DBT: variants seen among roughly 807,000 people sequenced by gnomAD.
DBT encodes dihydrolipoamide branched chain transacylase E2.
In DBT, 40 loss-of-function variants were observed where a neutral mutation model predicts 51.3. The ratio of observed to expected loss-of-function variants is 0.78; its 90% CI spans 0.61 to 1.02. The LOEUF is 1.02. Among genes scored for constraint, DBT ranks in the 50% least tolerant of loss-of-function variants. The pLI is 0.00. For synonymous variants in DBT, 181 were observed against 190.4 expected (o/e 0.95, Z 0.41); for missense variants, 510 against 580.2 (o/e 0.88, Z 1.24).
chr1:100,240,964 TTCCA>T, intron 1 of DBT, 80 bp from the exon 2 acceptor site: 1 of 1,339,820 alleles, frequency 7.5e-7, no homozygotes, highest in Non-Finnish European at 1.1e-6. Context: ...TGAATTTCAA[TTCCA>T]TTCTAAAAGT....
chr1:100,201,432 T>C (rs535007611), intron 10 of DBT, among the ~76,000 whole-genome samples: 11 of 152,240 alleles, frequency 7.2e-5, no homozygotes, highest in African/African-American at 2.6e-4. Flanking sequence ...GTTTGATTGG[T>C]GTACCTGAAA....
At chr1:100,203,629 C>G (rs1439467215) in intron 10 of DBT, among the ~76,000 whole-genome samples, 1 of 152,196 alleles carries the variant, frequency 6.6e-6, no homozygotes, top group Non-Finnish European at 1.5e-5. Context: ...ATACCAAAAC[C>G]TGGCAGAGAC....
chr1:100,244,846 GCTAA>G (rs1329538528), intron 1 of DBT, among the ~76,000 whole-genome samples: 5 of 152,080 alleles, frequency 3.3e-5, no homozygotes, highest in Admixed American at 2.0e-4. Context: ...GTAGATCATG[GCTAA>G]CTGAGACCAC....
intron 4 of DBT, among the ~76,000 whole-genome samples, chr1:100,220,733 C>A (rs180968524): frequency 1.1e-4 from 17 of 152,326 alleles, no homozygotes; most frequent in Non-Finnish European, 2.2e-4. Flanking sequence ...AGGTGAGACA[C>A]CTAATAAATC....
intron 8 of DBT, among the ~76,000 whole-genome samples, chr1:100,209,098 C>CTT (rs10707303): frequency 1.0e-3 from 134 of 134,446 alleles, no homozygotes; most frequent in African/African-American, 3.5e-3. Context: ...CTTTTCTTTT[C>CTT]TTTTTTTTTT....
intron 4 of DBT, among the ~76,000 whole-genome samples, chr1:100,223,205 C>T (rs1455640651): frequency 6.6e-6 from 1 of 152,136 alleles, no homozygotes; most frequent in Admixed American, 6.5e-5. Flanking sequence ...TTAATGATTT[C>T]TCTCAAAAAA....
At position 100,189,780 on chromosome 1, in the gene DBT, GTTCT is replaced by G. The variant is rs1238766778; in HGVS notation, c.*6471_*6474del. The G allele has an allele frequency of 6.6e-6, 1 of 152,302 alleles. No individual in the cohort carries two copies. Among genetic ancestry groups the G allele is most frequent in the African/African-American group, 2.4e-5 (1 of 41,564 alleles). The allele number at this position is 152,302 out of a possible 1,614,324, so 9.4% of individuals were successfully genotyped here. A position where few individuals can be genotyped will look rare whatever the true frequency, so the allele number is the denominator to read the frequency against. On this transcript the variant is annotated 3_prime_UTR_variant, in exon 11 of 11. Coordinates refer to ENST00000370132, the MANE Select transcript of DBT (RefSeq NM_001918.5). ...CTGAAATTTGCCATTAGAGAAGGGA[GTTCT>G]TTGTTTTTCGTTTGTTTTAGGGACT...
At chr1:100,238,745 G>A (rs776010040) in intron 2 of DBT, among the ~76,000 whole-genome samples, 13 of 152,184 alleles carry the variant, frequency 8.5e-5, no homozygotes, top group Non-Finnish European at 1.6e-4. Flanking sequence ...ACTGAGTTAG[G>A]AAATATCAGA....
At chr1:100,208,089 C>T (rs527963272) in intron 8 of DBT, among the ~76,000 whole-genome samples, 16 of 152,100 alleles carry the variant, frequency 1.1e-4, no homozygotes, top group African/African-American at 3.9e-4. Context: ...GAGCCGAGAT[C>T]GCAGCACTGC....
At position 100,192,380 on chromosome 1, in the gene DBT, G is replaced by A. The variant is rs1660853430; in HGVS notation, c.*3875C>T. 6.6e-6 allele frequency: 1 copy of A among 152,176 alleles called. No homozygotes were observed. Among genetic ancestry groups the A allele is most frequent in the Non-Finnish European group, 1.5e-5 (1 of 68,038 alleles). 9.4% of individuals were successfully genotyped at this position (152,176 alleles called of 1,614,324 possible). ...CCTAGAGCCTGGAACTGAATATACA[G>A]TTAATAAATAAGTGCAGAATGAACT... is the stretch of plus-strand genomic sequence containing the variant. On this transcript the variant is annotated 3_prime_UTR_variant, in exon 11 of 11. Coordinates refer to ENST00000370132, the MANE Select transcript of DBT (RefSeq NM_001918.5).
rs139216072 is a variant in DBT at position 100,214,872 on chromosome 1, T to C, written c.884A>G (p.Lys295Arg). Residue 295 changes from lysine to arginine, a missense_variant, in exon 7 of 11, where the codon AAA becomes AGA. By Grantham distance (26) the Lys-to-Arg change is conservative (BLOSUM62 2). Coordinates refer to ENST00000370132, the MANE Select transcript of DBT (RefSeq NM_001918.5). ...AATTCCACGAGCAAATGCAATGGGT[T>C]TTAATTCTTCTCGGAGCTTAACCAG... ...TELVKLREELKPIAFARGIKL... is the reference protein window; with the variant it reads ...TELVKLREELRPIAFARGIKL... 9 of 1,614,034 alleles carry C rather than the reference T, an allele frequency of 5.6e-6. No individual in the cohort carries two copies. Among genetic ancestry groups the C allele is most frequent in the Non-Finnish European group, 7.6e-6 (9 of 1,180,006 alleles).
In DBT at chr1:100,230,808, T is replaced by C; in HGVS notation, c.358A>G (p.Lys120Glu). ...ITSRYDGVIK[K>E]LYYNLDDIAY... Reference sequence around the variant, plus strand: ...ATATCGTCTAGATTATAATAGAGTTTTTTAATGACTCCATCATAACGACTA... The same window carrying C: ...ATATCGTCTAGATTATAATAGAGTTCTTTAATGACTCCATCATAACGACTA... Residue 120 changes from lysine to glutamate, a missense_variant, in exon 4 of 11, where the codon AAA becomes GAA. Transcript: ENST00000370132. 1.9e-6 allele frequency: 3 copies of C among 1,608,924 alleles called. No individual in the cohort carries two copies. Among genetic ancestry groups the C allele is most frequent in the Non-Finnish European group, 2.6e-6 (3 of 1,175,516 alleles).
At chr1:100,209,238 A>G (rs777698379) in intron 8 of DBT, among the ~76,000 whole-genome samples, 9 of 151,474 alleles carry the variant, frequency 5.9e-5, no homozygotes, top group Non-Finnish European at 1.2e-4. Context: ...AGCTAAAACT[A>G]TAGGCATGCA....
Position 100,196,320 on chromosome 1 carries a change from G to A in DBT, c.1384C>T (p.Arg462Cys), listed in dbSNP as rs765257706. 12 of 1,611,524 alleles carry A rather than the reference G, an allele frequency of 7.4e-6. No individual in the cohort carries two copies. The highest frequency in any genetic ancestry group is 1.6e-4 in the Middle Eastern group (1 of 6,074). ...TAGGATTTCCACAAATTGGAGAAGC[G>A]TGACATTGTAGCACCATCAATAACT... is the stretch of plus-strand genomic sequence containing the variant. ...HRVIDGATMS[R>C]FSNLWKSYLE... is the part of the protein sequence containing the mutation. The change falls in exon 11 of 11, where the codon CGC becomes TGC. Residue 462 changes from arginine to cysteine, a missense_variant. Physicochemically the swap from Arg to Cys is radical, Grantham distance 180 (BLOSUM62 -3). Transcript: ENST00000370132.
intron 1 of DBT, among the ~76,000 whole-genome samples, chr1:100,247,187 G>T (rs183177292): frequency 6.6e-5 from 10 of 152,310 alleles, no homozygotes; most frequent in African/African-American, 2.4e-4. Flanking sequence ...TTGAATTTTG[G>T]ACATTTTGCT....
chr1:100,226,907 A>G (rs1263391509), intron 4 of DBT, among the ~76,000 whole-genome samples: 1 of 152,222 alleles, frequency 6.6e-6, no homozygotes, highest in Non-Finnish European at 1.5e-5. Context: ...AATCAGTTGA[A>G]ATACTGTCAT....
At chr1:100,206,778 A>G (rs1234085044) in intron 8 of DBT, 142 bp from the exon 9 acceptor site, 1 of 658,034 alleles carries the variant, frequency 1.5e-6, no homozygotes. Flanking sequence ...AATAATTTAA[A>G]AATAATTTTT....
In DBT at chr1:100,240,449, A is replaced by G. The variant is rs79295393; in HGVS notation, c.175+312T>C. Among the ~76,000 whole-genome samples, 1,356 of 152,266 alleles carry G rather than the reference A, an allele frequency of 8.9e-3. 24 individuals are homozygous for G. The highest frequency in any genetic ancestry group is 0.032 in the African/African-American group (1,312 of 41,536). On this transcript the variant is annotated intron_variant, in intron 2 of 10. Transcript: ENST00000370132. Reference sequence around the variant, plus strand: ...GAAGCTGAGGCAGAAGGATCACTTGAGCCCAGGAGTTCAGGTTATAGTGAG... The same window carrying G: ...GAAGCTGAGGCAGAAGGATCACTTGGGCCCAGGAGTTCAGGTTATAGTGAG...
At chr1:100,204,318 CAGAG>C (rs1351282641) in intron 10 of DBT, among the ~76,000 whole-genome samples, 1 of 152,218 alleles carries the variant, frequency 6.6e-6, no homozygotes, top group South Asian at 2.1e-4. Context: ...AACAGACAAA[CAGAG>C]AGCCAAATCA....
Sources: allele counts gnomAD v4.1 joint callset (sites outside exome capture counted in the v4.1 genomes callset), GRCh38; gene constraint gnomAD v4.1.1; transcripts MANE v1.5; gene names NCBI Gene and HGNC (gene_info 2026-07-23, HGNC 2026-07-21).